Variants in SIRPG observed in about 807,000 individuals in gnomAD.
SIRPG encodes the protein signal regulatory protein gamma, also known as signal-regulatory protein gamma.
SIRPG carries 38 observed loss-of-function variants against 35.7 expected under a neutral mutation model. The observed-to-expected ratio is 1.06, with a 90% confidence interval of 0.82 to 1.40. The LOEUF is 1.40. Among genes scored for constraint, SIRPG ranks in the 40% most tolerant of loss-of-function variants. The pLI is 0.00. For synonymous variants in SIRPG, 215 were observed against 190.4 expected (o/e 1.13, Z -1.06); for missense variants, 519 against 483.0 (o/e 1.07, Z -0.70).
chr20:1,670,188 T>C, the SIRPG span: 1 of 258,830 alleles, frequency 3.9e-6, no homozygotes, highest in Non-Finnish European at 8.5e-6. Context: ...CAGGTGACGT[T>C]CACCTGGTTC....
At position 1,649,180 on chromosome 20, in the gene SIRPG, T is replaced by C. The variant is rs770761854; in HGVS notation, c.302A>G (p.Asp101Gly). 6 of 1,614,126 alleles carry C rather than the reference T, an allele frequency of 3.7e-6. No individual in the cohort carries two copies. Among genetic ancestry groups the C allele is most frequent in the South Asian group, 1.1e-5 (1 of 91,080 alleles). ...VSDLTKRNNM[D>G]FSIRISSITP... ...GATGCTACTGATGCGGATGGAAAAG[T>C]CCATGTTGTTTCTCTTTGTGAGGTC... The change falls in exon 2 of 6, where the codon GAC (aspartate) becomes GGC (glycine). Residue 101 changes from aspartate (D) to glycine (G), a missense_variant. Physicochemically the swap from Asp to Gly is moderately conservative, Grantham distance 94 (BLOSUM62 -1). Coordinates refer to ENST00000303415, the MANE Select transcript of SIRPG (RefSeq NM_018556.4).
At chr20:1,669,635 TA>T in the SIRPG span, among the ~76,000 whole-genome samples, 1 of 152,072 alleles carries the variant, frequency 6.6e-6, no homozygotes, top group Non-Finnish European at 1.5e-5. Context: ...AGAACATAAG[TA>T]AACATCTGAG....
chr20:1,671,511 T>A, the SIRPG span, among the ~76,000 whole-genome samples: 1 of 151,980 alleles, frequency 6.6e-6, no homozygotes, highest in Admixed American at 6.6e-5. Context: ...TTCACCAATC[T>A]CAGAGAGTGC....
At chr20:1,638,886 CTG>C (rs969560514) in intron 2 of SIRPG, among the ~76,000 whole-genome samples, 6 of 151,370 alleles carry the variant, frequency 4.0e-5, no homozygotes, top group African/African-American at 1.2e-4. Flanking sequence ...TTTTCTGTCC[CTG>C]TGTTAGTTTG....
chr20:1,643,651 ACT>A (rs745553136), intron 2 of SIRPG, among the ~76,000 whole-genome samples: 57 of 151,914 alleles, frequency 3.8e-4, no homozygotes, highest in Non-Finnish European at 7.1e-4. Context: ...AGAAGAGGCA[ACT>A]CTGGCCTTTT....
chr20:1,677,500 A>G, the SIRPG span, among the ~76,000 whole-genome samples: 1 of 152,200 alleles, frequency 6.6e-6, no homozygotes, highest in Non-Finnish European at 1.5e-5. Context: ...CCTGAGTGAC[A>G]GTGACATGCA....
At chr20:1,635,684 G>C in intron 3 of SIRPG, 85 bp from the exon 4 acceptor site, 1 of 1,392,362 alleles carries the variant, frequency 7.2e-7, no homozygotes, top group South Asian at 1.3e-5. Flanking sequence ...CCACTACCAC[G>C]GTGAGGGCAT....
At chr20:1,634,576 T>C (rs2091777269) in intron 4 of SIRPG, among the ~76,000 whole-genome samples, 1 of 151,912 alleles carries the variant, frequency 6.6e-6, no homozygotes, top group Admixed American at 6.6e-5. Context: ...GATGAGGTCA[T>C]AAATGAGGAT....
At chr20:1,640,688 G>A (rs1271331352) in intron 2 of SIRPG, among the ~76,000 whole-genome samples, 1 of 152,090 alleles carries the variant, frequency 6.6e-6, no homozygotes, top group Non-Finnish European at 1.5e-5. Flanking sequence ...TCTTGTGCTG[G>A]TTTTCAAGGG....
the SIRPG span, among the ~76,000 whole-genome samples, chr20:1,664,675 C>G: frequency 6.6e-6 from 1 of 152,130 alleles, no homozygotes; most frequent in Non-Finnish European, 1.5e-5. Flanking sequence ...GAAAACACGT[C>G]CAGGTTTAAT....
Position 1,630,352 on chromosome 20 carries a change from A to G in SIRPG, c.1082-46T>C, listed in dbSNP as rs1188006509. 2.1e-6 allele frequency: 3 copies of G among 1,452,134 alleles called. No homozygotes were observed. In the Admixed American group the frequency reaches 6.0e-5, roughly 29 times the overall value. The allele number at this position is 1,452,134 out of a possible 1,614,324, so 90.0% of individuals were successfully genotyped here. On this transcript the variant is annotated intron_variant, in intron 4 of 5. Transcript: ENST00000303415. ...GGGGCTATGAGAGAGACCACTTGGG[A>G]GGCCATTGTAGGGGCCTCCACTTAC...
At chr20:1,645,471 C>A (rs761533842) in intron 2 of SIRPG, among the ~76,000 whole-genome samples, 20 of 152,202 alleles carry the variant, frequency 1.3e-4, no homozygotes, top group Non-Finnish European at 2.2e-4. Context: ...AGCCACGAGA[C>A]TCCACCCCAA....
intron 4 of SIRPG, among the ~76,000 whole-genome samples, chr20:1,632,078 A>G (rs148985246): frequency 4.5e-4 from 68 of 152,266 alleles, no homozygotes; most frequent in Non-Finnish European, 5.9e-4. Flanking sequence ...AACGGTTGCT[A>G]TGCTGGGGTA....
the SIRPG span, among the ~76,000 whole-genome samples, chr20:1,683,969 C>CA: frequency 4.0e-3 from 544 of 137,398 alleles, 10 homozygotes; most frequent in East Asian, 0.047. Context: ...AACACCGTCT[C>CA]AAAAAAAAAA....
At chr20:1,657,286 C>T (rs2091981237) in intron 1 of SIRPG, among the ~76,000 whole-genome samples, 1 of 152,158 alleles carries the variant, frequency 6.6e-6, no homozygotes, top group South Asian at 2.1e-4. Flanking sequence ...ATATAGGACG[C>T]TGTAAGCATG....
the SIRPG span, among the ~76,000 whole-genome samples, chr20:1,683,187 C>A: frequency 6.6e-6 from 1 of 152,098 alleles, no homozygotes; most frequent in African/African-American, 2.4e-5. Flanking sequence ...CAAATTAAAT[C>A]CATAGTGAGG....
At chr20:1,663,422 G>A in the SIRPG span, among the ~76,000 whole-genome samples, 1 of 152,352 alleles carries the variant, frequency 6.6e-6, no homozygotes, top group South Asian at 2.1e-4. Flanking sequence ...AAGGAGCGAT[G>A]GAGGTGAGAA....
chr20:1,650,358 A>G (rs577100159), intron 1 of SIRPG, among the ~76,000 whole-genome samples: 15 of 152,294 alleles, frequency 9.8e-5, no homozygotes, highest in East Asian at 1.9e-4. Flanking sequence ...AAGTACTAAA[A>G]CAGCAGGGAT....
chr20:1,681,798 T>G, the SIRPG span, among the ~76,000 whole-genome samples: 3 of 152,094 alleles, frequency 2.0e-5, no homozygotes, highest in Non-Finnish European at 2.9e-5. Flanking sequence ...ATCGCAACAC[T>G]GCACTCCAGC....
Sources: allele counts gnomAD v4.1 joint callset (sites outside exome capture counted in the v4.1 genomes callset), GRCh38; gene constraint gnomAD v4.1.1; transcripts MANE v1.5; gene names NCBI Gene and HGNC (gene_info 2026-07-23, HGNC 2026-07-21).